The following TPRG1 variants were observed in gnomAD, a reference collection of about 807,000 sequenced individuals.
TPRG1 encodes the protein tumor protein p63 regulated 1, also known as tumor protein p63-regulated gene 1 protein.
Under a neutral mutation model 29.3 loss-of-function variants are expected in TPRG1, and 29 were observed. The ratio of observed to expected loss-of-function variants is 0.99; its 90% CI spans 0.74 to 1.35. The LOEUF (loss-of-function observed/expected upper bound fraction) is 1.35. Among genes scored for constraint, TPRG1 ranks in the 40% most tolerant of loss-of-function variants. TPRG1 has a pLI of 0.00. For synonymous variants in TPRG1, 130 were observed against 116.8 expected, an observed-to-expected ratio of 1.11 and a Z score of -0.73; for missense variants, 327 against 335.0, an observed-to-expected ratio of 0.98 and a Z score of 0.19.
At chr3:189,302,468 A>G (rs1181192641) in intron 4 of TPRG1, among the ~76,000 whole-genome samples, 4 of 152,178 alleles carry the variant, frequency 2.6e-5, no homozygotes, top group African/African-American at 7.2e-5. Context: ...GGTTTGAAGG[A>G]TGGATCAGGG....
upstream of TPRG1, among the ~76,000 whole-genome samples, chr3:189,096,214 G>T (rs990246066): frequency 6.6e-6 from 1 of 152,190 alleles, no homozygotes; most frequent in African/African-American, 2.4e-5. Context: ...TCCTTCTCCT[G>T]TCCTGGGGCT....
intron 4 of TPRG1, among the ~76,000 whole-genome samples, chr3:189,272,562 A>C (rs1715328676): frequency 6.6e-6 from 1 of 151,924 alleles, no homozygotes; most frequent in Admixed American, 6.6e-5. Context: ...GTAGTAGAAG[A>C]TTAAGCTGAC....
Position 189,221,207 on chromosome 3 carries a change from T to C in TPRG1, c.302+5824T>C, listed in dbSNP as rs567333349. ...TAATAATAATATTTCTATAGCACTT[T>C]ATAGTTTAAAAAGTCTCTTCTTCAT... On this transcript the variant is annotated intron_variant, in intron 3 of 5. Transcript: ENST00000345063. Among the ~76,000 whole-genome samples, 11 of 152,344 alleles carry C rather than the reference T, an allele frequency of 7.2e-5. No individual in the cohort carries two copies. In the South Asian group the frequency reaches 2.3e-3, roughly 32 times the overall value.
chr3:189,236,720 C>T (rs1397420046), intron 3 of TPRG1, among the ~76,000 whole-genome samples: 1 of 152,170 alleles, frequency 6.6e-6, no homozygotes, highest in Non-Finnish European at 1.5e-5. Context: ...CAGGCATATA[C>T]TAGGACCTCA....
chr3:189,107,556 C>T (rs1254181021), intron 1 of TPRG1, among the ~76,000 whole-genome samples: 2 of 152,076 alleles, frequency 1.3e-5, no homozygotes, highest in African/African-American at 4.8e-5. Context: ...ACAGAAATTT[C>T]ACCCCTTAGC....
chr3:189,229,622 A>G (rs1409764376), intron 3 of TPRG1, among the ~76,000 whole-genome samples: 1 of 152,230 alleles, frequency 6.6e-6, no homozygotes, highest in Non-Finnish European at 1.5e-5. Context: ...ATGAATATTT[A>G]TGGTAGCAGA....
At chr3:189,307,037 G>A (rs1159289416) in intron 4 of TPRG1, among the ~76,000 whole-genome samples, 1 of 152,024 alleles carries the variant, frequency 6.6e-6, no homozygotes, top group Non-Finnish European at 1.5e-5. Context: ...TCTTCTTTTT[G>A]TTTGAGACAG....
chr3:189,199,448 T>C (rs1005792260), intron 1 of TPRG1, among the ~76,000 whole-genome samples: 1 of 152,200 alleles, frequency 6.6e-6, no homozygotes, highest in African/African-American at 2.4e-5. Flanking sequence ...AAATAAAAGC[T>C]TCAGAAGAAA....
intron 4 of TPRG1, among the ~76,000 whole-genome samples, chr3:189,268,643 G>A (rs1362477100): frequency 2.0e-5 from 3 of 152,168 alleles, no homozygotes; most frequent in African/African-American, 4.8e-5. Flanking sequence ...ATAATAGTTT[G>A]TATCTCTGAA....
At chr3:189,158,574 A>G (rs1242723681) in intron 5 of TPRG1, among the ~76,000 whole-genome samples, 2 of 152,100 alleles carry the variant, frequency 1.3e-5, no homozygotes, top group Admixed American at 6.6e-5. Flanking sequence ...GCGCCACTGC[A>G]CTCCAGCCTG....
intron 4 of TPRG1, among the ~76,000 whole-genome samples, chr3:189,300,894 C>G (rs1420036572): frequency 1.3e-5 from 2 of 152,176 alleles, no homozygotes; most frequent in African/African-American, 2.4e-5. Context: ...TCAGAAATAT[C>G]TGGTTGTAAA....
chr3:189,181,825 G>A (rs780381666), intron 1 of TPRG1, among the ~76,000 whole-genome samples: 1 of 152,016 alleles, frequency 6.6e-6, no homozygotes, highest in African/African-American at 2.4e-5. Flanking sequence ...GTATTCATCC[G>A]TTTTCACACT....
chr3:189,252,966 C>T (rs1017073071), intron 4 of TPRG1, among the ~76,000 whole-genome samples: 2 of 152,010 alleles, frequency 1.3e-5, no homozygotes, highest in Non-Finnish European at 2.9e-5. Context: ...TATTGGAAAA[C>T]AATACAGGGT....
intron 2 of TPRG1, chr3:189,004,506 G>A (rs573647317): frequency 2.6e-5 from 4 of 152,210 alleles, no homozygotes; most frequent in South Asian, 4.2e-4. Flanking sequence ...TTCGTGTGTG[G>A]ATAAAACTCT....
At chr3:189,303,991 C>A (rs11926483) in intron 4 of TPRG1, among the ~76,000 whole-genome samples, 16,140 of 152,074 alleles carry the variant, frequency 0.11, 929 homozygotes, top group East Asian at 0.19. Flanking sequence ...CTTGATTTAA[C>A]CTCAAGTCTT....
At chr3:189,111,662 C>T (rs557444858) in intron 1 of TPRG1, among the ~76,000 whole-genome samples, 14 of 152,036 alleles carry the variant, frequency 9.2e-5, no homozygotes, top group Non-Finnish European at 1.6e-4. Flanking sequence ...GTAACTTCAT[C>T]GTAATTTGAG....
intron 4 of TPRG1, among the ~76,000 whole-genome samples, chr3:189,084,725 T>C (rs997296627): frequency 2.6e-5 from 4 of 152,226 alleles, no homozygotes; most frequent in African/African-American, 9.6e-5. Context: ...CCTAAATGGA[T>C]GCTGGTCTTG....
chr3:189,264,516 A>T (rs534645987), intron 4 of TPRG1, among the ~76,000 whole-genome samples: 1 of 150,052 alleles, frequency 6.7e-6, no homozygotes, highest in African/African-American at 2.5e-5. Flanking sequence ...GGATCCACCT[A>T]TACAGTTCAT....
At chr3:189,200,515 A>G (rs1174831588) in intron 1 of TPRG1, among the ~76,000 whole-genome samples, 1 of 152,340 alleles carries the variant, frequency 6.6e-6, no homozygotes, top group African/African-American at 2.4e-5. Flanking sequence ...TAGAGGTATC[A>G]GCATGAGAAA....
Sources: allele counts gnomAD v4.1 joint callset (sites outside exome capture counted in the v4.1 genomes callset), GRCh38; gene constraint gnomAD v4.1.1; transcripts MANE v1.5; gene names NCBI Gene and HGNC (gene_info 2026-07-23, HGNC 2026-07-21).